Variants in SPECC1 observed in about 807,000 individuals in gnomAD.
SPECC1 encodes the protein cytospin-B.
SPECC1 carries 62 observed loss-of-function variants against 104.1 expected under a neutral mutation model. The ratio of observed to expected loss-of-function variants is 0.60; its 90% confidence interval spans 0.49 to 0.74. SPECC1 has a LOEUF of 0.74. Ranked by LOEUF, SPECC1 falls within the 30% of genes least tolerant of loss-of-function variation. The pLI is 0.00. For missense variants in SPECC1, 1,306 were observed against 1,310.5 expected (o/e 1.00, Z 0.05); for synonymous variants, 513 against 501.6 (o/e 1.02, Z -0.30).
intron 12 of SPECC1, among the ~76,000 whole-genome samples, chr17:20,290,549 C>T (rs1322027637): frequency 6.6e-6 from 1 of 152,054 alleles, no homozygotes; most frequent in African/African-American, 2.4e-5. Flanking sequence ...GGGTTTCACT[C>T]TGTTGCCCTG....
At position 20,245,967 on chromosome 17, in the gene SPECC1, C is replaced by T. The variant is rs1260408116; in HGVS notation, c.2393C>T (p.Ala798Val). The T allele has an allele frequency of 2.5e-6, 4 of 1,614,072 alleles. No individual in the cohort carries two copies. The highest frequency in any genetic ancestry group is 3.4e-6 in the Non-Finnish European group (4 of 1,180,030). Residue 798 changes from alanine to valine, a missense_variant, in exon 8 of 15, where the codon GCT becomes GTT. Ala to Val is a moderately conservative substitution (Grantham distance 64). Coordinates refer to ENST00000395527, the MANE Select transcript of SPECC1 (RefSeq NM_001243439.2). The stretch of plus-strand genomic sequence containing the variant: ...CCAGAGTCCTCTGAGGTCGATGCTG[C>T]TGGTCGGTGGCCTGGTGTCTGTGTT... ...EEPESSEVDA[A>V]GRWPGVCVSR...
In SPECC1 at chr17:20,232,359, G is replaced by T. The variant is rs35835131; in HGVS notation, c.2305G>T (p.Asp769Tyr). Residue 769 changes from aspartate (D) to tyrosine (Y), a missense_variant, in exon 7 of 15, where the codon GAT becomes TAT. Physicochemically the swap from Asp to Tyr is radical, Grantham distance 160. This residue lies in a region of SPECC1 where 1,177 missense variants were observed against 1,139.9 expected (regional missense o/e 1.03). Coordinates refer to ENST00000395527, the MANE Select transcript of SPECC1 (RefSeq NM_001243439.2). The part of the protein sequence containing the change: ...KNARLQKELG[D>Y]VQGHGRVVTS... ...TGCCCGGTTGCAGAAGGAGCTGGGG[G>T]ATGTGCAGGGCCACGGCAGGGTGGT... is the stretch of plus-strand genomic sequence containing the variant. 10 of 1,613,712 alleles carry T rather than the reference G, an allele frequency of 6.2e-6. No homozygotes were observed. In the East Asian group the frequency reaches 1.6e-4, roughly 25 times the overall value.
At chr17:20,114,621 G>T (rs555033426) in intron 3 of SPECC1, among the ~76,000 whole-genome samples, 1 of 152,054 alleles carries the variant, frequency 6.6e-6, no homozygotes, top group African/African-American at 2.4e-5. Context: ...TACCCCAAGA[G>T]CAGGGATGTT....
intron 7 of SPECC1, chr17:20,238,351 ATG>A (rs2039034509): frequency 1.9e-6 from 2 of 1,040,088 alleles, no homozygotes; most frequent in South Asian, 4.6e-5. Flanking sequence ...TTCTGGAAAT[ATG>A]TGTGTTTGTG....
chr17:20,168,704 G>A (rs2033854238), intron 3 of SPECC1, among the ~76,000 whole-genome samples: 1 of 152,172 alleles, frequency 6.6e-6, no homozygotes, highest in African/African-American at 2.4e-5. Context: ...AAAAGCATGA[G>A]AACTTATGGC....
At chr17:20,125,449 A>G (rs1029318257) in intron 3 of SPECC1, among the ~76,000 whole-genome samples, 8 of 152,292 alleles carry the variant, frequency 5.3e-5, no homozygotes, top group Middle Eastern at 3.4e-3. Context: ...CTCTGAACAC[A>G]TTTTTAAGCA....
chr17:20,238,273 A>G (rs2039028267), intron 7 of SPECC1: 1 of 1,041,270 alleles, frequency 9.6e-7, no homozygotes, highest in Non-Finnish European at 1.2e-6. Context: ...AGTTTCATGG[A>G]TGAAACTCAC....
At chr17:20,263,801 A>T (rs1309882540) in intron 12 of SPECC1, among the ~76,000 whole-genome samples, 1 of 152,202 alleles carries the variant, frequency 6.6e-6, no homozygotes, top group African/African-American at 2.4e-5. Context: ...TCTATGATGT[A>T]ACCTTGTTGT....
chr17:20,054,690 T>G (rs915891737), intron 1 of SPECC1, among the ~76,000 whole-genome samples: 1 of 151,618 alleles, frequency 6.6e-6, no homozygotes, highest in Admixed American at 6.6e-5. Flanking sequence ...TTGGGGGGGG[T>G]GGTGTCTTGC....
intron 4 of SPECC1, among the ~76,000 whole-genome samples, chr17:20,223,398 G>A (rs1367593597): frequency 3.9e-4 from 59 of 152,148 alleles, no homozygotes; most frequent in Admixed American, 6.5e-5. Flanking sequence ...AATCTCGGCC[G>A]GGTGCGGTGG....
chr17:20,204,721 T>G lies in SPECC1; in HGVS notation c.672T>G (p.Pro224=). ...CAGTCTCCCCAGGTGACACGGAACCTATGATAAGAGCTCTTGAGGAGAAGA... is the reference window on the plus strand; with the variant it reads ...CAGTCTCCCCAGGTGACACGGAACCGATGATAAGAGCTCTTGAGGAGAAGA... ...GTSVSPGDTE[P]MIRALEEKNK... is the part of the protein sequence containing the mutation. The change falls in exon 4 of 15, where the codon CCT becomes CCG. Residue 224 remains proline, a synonymous_variant. Transcript: ENST00000395527. The G allele has an allele frequency of 3.1e-6, 5 of 1,614,036 alleles. No individual in the cohort carries two copies. The African/African-American group carries it at 6.7e-5, about 22-fold the overall frequency.
intron 3 of SPECC1, among the ~76,000 whole-genome samples, chr17:20,167,921 G>C (rs1262698317): frequency 6.6e-6 from 1 of 152,094 alleles, no homozygotes; most frequent in Admixed American, 6.5e-5. Context: ...ATCTATGTCT[G>C]TTGCTTAGGA....
intron 12 of SPECC1, among the ~76,000 whole-genome samples, chr17:20,296,175 T>C (rs936496856): frequency 2.6e-5 from 4 of 152,246 alleles, no homozygotes; most frequent in Admixed American, 1.3e-4. Context: ...AAGTCTTTAA[T>C]CCATCTTGAA....
At chr17:20,310,629 A>C (rs1270787062) in intron 14 of SPECC1, among the ~76,000 whole-genome samples, 1 of 152,230 alleles carries the variant, frequency 6.6e-6, no homozygotes, top group Non-Finnish European at 1.5e-5. Context: ...ATGTGTCCCC[A>C]GGGCTGCTGT....
Position 20,113,005 on chromosome 17 carries a change from G to T in SPECC1, c.283+2443G>T, listed in dbSNP as rs1051962024. 3.4e-6 allele frequency: 3 copies of T among 883,772 alleles called. No individual in the cohort carries two copies. The South Asian group carries it at 4.0e-5, about 12-fold the overall frequency. 54.7% of individuals were successfully genotyped at this position (883,772 alleles called of 1,614,324 possible). On this transcript the variant is annotated intron_variant, in intron 3 of 14. Coordinates refer to ENST00000395527, the MANE Select transcript of SPECC1 (RefSeq NM_001243439.2). ...GTGTTAGATGAGAATTTTAGGGGCT[G>T]GAGGAACATGTACAAGATGAAAATG...
chr17:20,312,893 T>G (rs1349246799), intron 14 of SPECC1, among the ~76,000 whole-genome samples: 13 of 152,238 alleles, frequency 8.5e-5, no homozygotes, highest in Non-Finnish European at 1.6e-4. Flanking sequence ...GAATGGCTCA[T>G]TAACAGCCTC....
Position 20,198,419 on chromosome 17 carries a change from G to C in SPECC1, c.284-5914G>C, listed in dbSNP as rs545623813. On this transcript the variant is annotated intron_variant, in intron 3 of 14. Coordinates refer to ENST00000395527, the MANE Select transcript of SPECC1 (RefSeq NM_001243439.2). The stretch of plus-strand genomic sequence containing the variant: ...GTGACATTGAAAAGTTCAGGTGGCT[G>C]CTCCTCAGTAGCAAAGGGATCTTTT... Among the ~76,000 whole-genome samples the C allele has an allele frequency of 1.4e-4, 21 of 152,348 alleles. 1 individual carries two copies. In the South Asian group the frequency reaches 4.1e-3, roughly 30 times the overall value.
chr17:20,086,986 C>G (rs1567832958), intron 1 of SPECC1: 1 of 152,154 alleles, frequency 6.6e-6, no homozygotes, highest in Non-Finnish European at 1.5e-5. Context: ...GTGCCCATAT[C>G]CCCGCTTGGC....
At position 20,231,878 on chromosome 17, in the gene SPECC1, C is replaced by T. The variant is rs771333367; in HGVS notation, c.2145+47C>T. On this transcript the variant is annotated intron_variant, in intron 6 of 14. Transcript: ENST00000395527. ...TCACCACCATCTTCCTATGAATTAC[C>T]CGCTCCGAGGTGTGGATCACTCTCT... is the stretch of plus-strand genomic sequence containing the variant. 8 of 1,575,494 alleles carry T rather than the reference C, an allele frequency of 5.1e-6. No homozygotes were observed. In the Admixed American group the frequency reaches 1.2e-4, roughly 23 times the overall value.
Sources: gnomAD v4.1 joint callset for allele counts (sites outside exome capture counted in the v4.1 genomes callset) on GRCh38, gnomAD v4.1.1 for gene constraint, gnomAD v4.1.1 regional missense constraint, MANE v1.5 for transcripts, NCBI Gene and HGNC (gene_info 2026-07-23, HGNC 2026-07-21) for gene names.